The following CYTH3 variants were observed in gnomAD, a reference collection of about 807,000 sequenced individuals.
The protein encoded by CYTH3 is cytohesin 3.
Under a neutral mutation model 55.1 loss-of-function variants are expected in CYTH3, and 23 were observed. The ratio of observed to expected loss-of-function variants is 0.42; its 90% CI spans 0.30 to 0.59. CYTH3 has a LOEUF of 0.59. Ranked by LOEUF, CYTH3 falls within the 20% of genes least tolerant of loss-of-function variation. The pLI, the probability that CYTH3 is intolerant of heterozygous loss-of-function variation, is 0.20. For missense variants in CYTH3, 413 were observed against 524.8 expected, an observed-to-expected ratio of 0.79 and a Z score of 2.08; for synonymous variants, 249 against 194.9, an observed-to-expected ratio of 1.28 and a Z score of -2.31.
At chr7:6,183,032 C>T (rs566334438) in intron 4 of CYTH3, among the ~76,000 whole-genome samples, 9 of 152,366 alleles carry the variant, frequency 5.9e-5, no homozygotes, top group South Asian at 2.1e-4. Flanking sequence ...AGGCAGCCAA[C>T]GGCTGGTCTC....
At chr7:6,246,631 A>G (rs1414693908) in intron 1 of CYTH3, among the ~76,000 whole-genome samples, 1 of 152,134 alleles carries the variant, frequency 6.6e-6, no homozygotes, top group African/African-American at 2.4e-5. Context: ...TAAAACAGTA[A>G]AAAATAAAGG....
chr7:6,225,446 C>T (rs969976623), intron 1 of CYTH3, among the ~76,000 whole-genome samples: 6 of 151,680 alleles, frequency 4.0e-5, no homozygotes, highest in South Asian at 2.1e-4. Flanking sequence ...CTCTACCTCC[C>T]GGGTTCAAGC....
In CYTH3 at chr7:6,171,316, T is replaced by C; in HGVS notation, c.450-2A>G. On this transcript the variant is annotated splice_acceptor_variant, in intron 6 of 12. Transcript: ENST00000350796. LOFTEE classifies it high-confidence loss of function. The surrounding 1 kb of genome is among the most constrained non-coding windows in gnomAD (Gnocchi z 6.7). Reference sequence around the variant, plus strand: ...AGCCTGAAGCTCCATAAGAACTGCCTGTGGAGACACCAAAGCCATGGGAAG... The same window carrying C: ...AGCCTGAAGCTCCATAAGAACTGCCCGTGGAGACACCAAAGCCATGGGAAG... 2 of 1,613,964 alleles carry C rather than the reference T, an allele frequency of 1.2e-6. No individual in the cohort carries two copies. Among genetic ancestry groups the C allele is most frequent in the Non-Finnish European group, 1.7e-6 (2 of 1,179,880 alleles).
chr7:6,206,716 C>T (rs1583786032), intron 1 of CYTH3, among the ~76,000 whole-genome samples: 2 of 152,262 alleles, frequency 1.3e-5, no homozygotes, highest in East Asian at 3.9e-4. Context: ...ATTCTAAGAA[C>T]ATGCCAAACA....
chr7:6,242,375 A>AT (rs10525625), intron 1 of CYTH3, among the ~76,000 whole-genome samples: 703 of 105,762 alleles, frequency 6.6e-3, no homozygotes, highest in Middle Eastern at 0.041. Context: ...CGCGCCTGGC[A>AT]TTTTTTTTTT....
chr7:6,259,787 A>G (rs1335322870), intron 1 of CYTH3, among the ~76,000 whole-genome samples: 1 of 15,112 alleles, frequency 6.6e-5, no homozygotes, highest in African/African-American at 1.0e-3. Flanking sequence ...TATATATAAT[A>G]TATATATATA....
Position 6,170,403 on chromosome 7 carries a change from C to A in CYTH3, c.823+132G>T. 1 of 840,866 alleles carries A rather than the reference C, an allele frequency of 1.2e-6. No individual in the cohort carries two copies. Among genetic ancestry groups the A allele is most frequent in the Non-Finnish European group, 1.8e-6 (1 of 549,866 alleles). The allele number at this position is 840,866 out of a possible 1,614,324, so 52.1% of individuals were successfully genotyped here. A position where few individuals can be genotyped will look rare whatever the true frequency, so the allele number is the denominator to read the frequency against. ...TGCAGCTACCGAGAGCGGGCTCTGG[C>A]TTAACCGCGTTTCTTTTTAACGTCT... On this transcript the variant is annotated intron_variant, in intron 9 of 12. Coordinates refer to ENST00000350796, the MANE Select transcript of CYTH3 (RefSeq NM_004227.4). The surrounding 1 kb of genome is among the most constrained non-coding windows in gnomAD (Gnocchi z 7.8).
chr7:6,233,315 G>C (rs192560060), intron 1 of CYTH3, among the ~76,000 whole-genome samples: 4 of 152,286 alleles, frequency 2.6e-5, no homozygotes, highest in Admixed American at 1.3e-4. Context: ...TATCAAGTTA[G>C]ACAAGCTTTA....
chr7:6,207,899 G>C (rs10229323), intron 1 of CYTH3, among the ~76,000 whole-genome samples: 3,873 of 144,900 alleles, frequency 0.027, 96 homozygotes, highest in African/African-American at 0.065. Flanking sequence ...GCAATGAGCC[G>C]AGATCATGCC....
intron 1 of CYTH3, among the ~76,000 whole-genome samples, chr7:6,234,629 C>T (rs1472854119): frequency 6.6e-6 from 1 of 152,122 alleles, no homozygotes; most frequent in Non-Finnish European, 1.5e-5. Flanking sequence ...CCCTGGGGAC[C>T]CGGTGACCTG....
rs1227146972 is a variant in CYTH3, at chr7:6,163,411, A to T, written c.*1533T>A. 6.5e-6 allele frequency: 1 copy of T among 152,758 alleles called. No homozygotes were observed. Among genetic ancestry groups the T allele is most frequent in the Non-Finnish European group, 1.5e-5 (1 of 68,488 alleles). The allele number at this position is 152,758 out of a possible 1,614,324, so 9.5% of individuals were successfully genotyped here. A position where few individuals can be genotyped will look rare whatever the true frequency, so the allele number is the denominator to read the frequency against. ...CAGGAAGAGGAAGTCCATAGAGGAA[A>T]AGCCAGCCACCAACCCAACAGCCCA... On this transcript the variant is annotated 3_prime_UTR_variant, in exon 13 of 13. Coordinates refer to ENST00000350796, the MANE Select transcript of CYTH3 (RefSeq NM_004227.4).
chr7:6,190,609 TGCCACCCA>T, intron 1 of CYTH3, 78 bp from the exon 2 acceptor site: 1 of 1,110,664 alleles, frequency 9.0e-7, no homozygotes, highest in South Asian at 1.5e-5. Flanking sequence ...GGGTACATGC[TGCCACCCA>T]GCAATTCCAT....
In CYTH3 at chr7:6,165,126, C is replaced by G; in HGVS notation, c.1128-110G>C. On this transcript the variant is annotated intron_variant, in intron 12 of 12. Transcript: ENST00000350796. ...ACAGGACCGCAGGCTCAGATCTGAA[C>G]GTCGGCTTTGGCAGCCCGGCCCTCT... The G allele has an allele frequency of 2.6e-6, 4 of 1,564,254 alleles. No individual in the cohort carries two copies. In the African/African-American group the frequency reaches 4.1e-5, roughly 16 times the overall value.
intron 1 of CYTH3, among the ~76,000 whole-genome samples, chr7:6,230,028 G>T (rs1779349641): frequency 6.6e-6 from 1 of 151,368 alleles, no homozygotes; most frequent in African/African-American, 2.4e-5. Flanking sequence ...CAGCTACTCA[G>T]GAGGCTGAGG....
At chr7:6,252,721 T>C (rs752847856) in intron 1 of CYTH3, among the ~76,000 whole-genome samples, 4 of 152,236 alleles carry the variant, frequency 2.6e-5, no homozygotes, top group Non-Finnish European at 2.9e-5. Context: ...AAGAAAAAGA[T>C]GCATTCCTGA....
In CYTH3 at chr7:6,163,603, C is replaced by T. The variant is rs1782903662; in HGVS notation, c.*1341G>A. On this transcript the variant is annotated 3_prime_UTR_variant, in exon 13 of 13. Coordinates refer to ENST00000350796, the MANE Select transcript of CYTH3 (RefSeq NM_004227.4). ...AGCGGAGCACTGGGCACCTCCTATC[C>T]TTACATCCACAGCAACCTGACAACC... 1 of 152,310 alleles carries T rather than the reference C, an allele frequency of 6.6e-6. No individual in the cohort carries two copies. Among genetic ancestry groups the T allele is most frequent in the Non-Finnish European group, 1.5e-5 (1 of 68,122 alleles). 9.4% of individuals were successfully genotyped at this position (152,310 alleles called of 1,614,324 possible). A position where few individuals can be genotyped will look rare whatever the true frequency, so the allele number is the denominator to read the frequency against.
intron 4 of CYTH3, among the ~76,000 whole-genome samples, chr7:6,186,380 T>G (rs939484017): frequency 1.1e-4 from 17 of 151,916 alleles, no homozygotes; most frequent in African/African-American, 4.1e-4. Flanking sequence ...CCCTTCTTTC[T>G]CAAAACCAAA....
chr7:6,180,301 C>T (rs530234580), intron 4 of CYTH3, among the ~76,000 whole-genome samples: 1 of 152,352 alleles, frequency 6.6e-6, no homozygotes, highest in South Asian at 2.1e-4. Context: ...AAATTCAGAA[C>T]ACACAAAACA....
At chr7:6,263,529 G>C (rs1197414798) in intron 1 of CYTH3, among the ~76,000 whole-genome samples, 1 of 152,180 alleles carries the variant, frequency 6.6e-6, no homozygotes, top group African/African-American at 2.4e-5. Context: ...AGGCCCGGTG[G>C]CTCACACCTG....
Sources: gnomAD v4.1 joint callset for allele counts (sites outside exome capture counted in the v4.1 genomes callset) on GRCh38, gnomAD v4.1.1 for gene constraint, Gnocchi (gnomAD v3.1) non-coding constraint, MANE v1.5 for transcripts, NCBI Gene and HGNC (gene_info 2026-07-23, HGNC 2026-07-21) for gene names.